PDE11A: variants seen among roughly 807,000 people sequenced by gnomAD.
PDE11A encodes the protein phosphodiesterase 11A.
Under a neutral mutation model 100.5 loss-of-function variants are expected in PDE11A, and 100 were observed. That is an observed-to-expected ratio of 1.00 (90% CI 0.85 to 1.18). PDE11A has a LOEUF of 1.18. Among genes scored for constraint, PDE11A ranks in the 50% most tolerant of loss-of-function variants. The probability of loss-of-function intolerance (pLI) is 0.00; values close to 1 mark genes in which losing one functional copy is unlikely to be tolerated. For missense variants in PDE11A, 1,141 were observed against 1,152.6 expected (o/e 0.99, Z 0.15); for synonymous variants, 381 against 420.8 (o/e 0.91, Z 1.16).
At chr2:177,987,370 T>C (rs1574325070) in intron 2 of PDE11A, among the ~76,000 whole-genome samples, 1 of 152,234 alleles carries the variant, frequency 6.6e-6, no homozygotes. Flanking sequence ...TCAATTACCA[T>C]AGAACAACTA....
intron 4 of PDE11A, among the ~76,000 whole-genome samples, chr2:177,878,623 T>C (rs370688859): frequency 2.0e-5 from 3 of 152,126 alleles, no homozygotes; most frequent in African/African-American, 4.8e-5. Context: ...TCCCAGAAGG[T>C]AGATTTTATC....
At chr2:177,680,534 T>C (rs546836355) in intron 16 of PDE11A, among the ~76,000 whole-genome samples, 66 of 152,238 alleles carry the variant, frequency 4.3e-4, no homozygotes, top group Non-Finnish European at 8.2e-4. Context: ...CCACCCAACT[T>C]GCACCCCCAC....
At chr2:177,857,458 C>T (rs1291873700) in intron 5 of PDE11A, among the ~76,000 whole-genome samples, 1 of 151,882 alleles carries the variant, frequency 6.6e-6, no homozygotes, top group Non-Finnish European at 1.5e-5. Context: ...AAGACAATGG[C>T]ATAATGCAAA....
rs1574310764 is a variant in PDE11A, at chr2:177,962,908, G to A, written c.1071+51394C>T. 7.2e-5 allele frequency among the ~76,000 whole-genome samples: 11 copies of A among 152,064 alleles called. No individual in the cohort carries two copies. The South Asian group carries it at 2.3e-3, about 31-fold the overall frequency. ...TTGAACTGGAGGTTTGGTTAATACT[G>A]TATCCAAATGCATTTTTTTAAAAAA... On this transcript the variant is annotated intron_variant, in intron 2 of 19. Coordinates refer to ENST00000286063, the MANE Select transcript of PDE11A (RefSeq NM_016953.4).
intron 2 of PDE11A, among the ~76,000 whole-genome samples, chr2:177,926,213 A>G (rs536647112): frequency 6.3e-4 from 96 of 152,166 alleles, no homozygotes; most frequent in African/African-American, 2.2e-3. Context: ...AGCTAATTTC[A>G]GAAGTATTTT....
At chr2:178,076,760 G>A (rs1233490861), upstream of PDE11A, among the ~76,000 whole-genome samples, 1 of 152,164 alleles carries the variant, frequency 6.6e-6, no homozygotes, top group Non-Finnish European at 1.5e-5. Context: ...AATTCTGTAG[G>A]TTAACTAGTG....
intron 13 of PDE11A, among the ~76,000 whole-genome samples, chr2:177,701,464 C>T (rs1179592847): frequency 6.6e-6 from 1 of 152,130 alleles, no homozygotes; most frequent in African/African-American, 2.4e-5. Context: ...GAATTTGACA[C>T]AGTCTCTGCC....
intron 19 of PDE11A, among the ~76,000 whole-genome samples, chr2:177,644,846 T>G (rs911809999): frequency 6.6e-6 from 1 of 152,192 alleles, no homozygotes; most frequent in Non-Finnish European, 1.5e-5. Flanking sequence ...ATTGAATAAG[T>G]CTTAGAAAGT....
chr2:177,955,799 A>C (rs998007455), intron 2 of PDE11A, among the ~76,000 whole-genome samples: 1 of 152,238 alleles, frequency 6.6e-6, no homozygotes, highest in Non-Finnish European at 1.5e-5. Context: ...GAGAAAAACA[A>C]GCAATGGGGA....
At chr2:177,896,805 C>T (rs897339626) in intron 4 of PDE11A, among the ~76,000 whole-genome samples, 3 of 152,176 alleles carry the variant, frequency 2.0e-5, no homozygotes, top group African/African-American at 7.2e-5. Flanking sequence ...TCTGGAAACA[C>T]TCCATAAGTA....
chr2:178,024,891 T>C (rs771300412), intron 1 of PDE11A, among the ~76,000 whole-genome samples: 8 of 152,244 alleles, frequency 5.3e-5, no homozygotes, highest in Non-Finnish European at 1.2e-4. Flanking sequence ...CTTTCGAAAA[T>C]TGATTAGTCT....
chr2:177,949,274 T>C (rs548598996), intron 2 of PDE11A, among the ~76,000 whole-genome samples: 42 of 107,958 alleles, frequency 3.9e-4, no homozygotes, highest in African/African-American at 1.6e-3. Flanking sequence ...GTTTAAAATC[T>C]TTATTTTAAT....
rs552059186 is a variant in PDE11A, at chr2:177,687,404, G to A, written c.2346-6501C>T. On this transcript the variant is annotated intron_variant, in intron 15 of 19. Transcript: ENST00000286063. ...TAATATTGCTCTATGTGTTTTAAAA[G>A]TTTATACAAATACGGTCATCATAGT... 3 of 152,242 alleles carry A rather than the reference G, an allele frequency of 2.0e-5. No homozygotes were observed. In the South Asian group the frequency reaches 6.2e-4, roughly 32 times the overall value. The allele number at this position is 152,242 out of a possible 1,614,324, so 9.4% of individuals were successfully genotyped here.
chr2:177,754,977 G>T (rs2082071872), intron 10 of PDE11A, among the ~76,000 whole-genome samples: 1 of 152,178 alleles, frequency 6.6e-6, no homozygotes, highest in Non-Finnish European at 1.5e-5. Context: ...TCTCCAGCAG[G>T]TCCCAATAAA....
chr2:177,728,093 A>T lies in PDE11A; in HGVS notation c.1868T>A (p.Met623Lys). The T allele has an allele frequency of 6.2e-7, 1 of 1,612,780 alleles. No homozygotes were observed. Among genetic ancestry groups the T allele is most frequent in the Non-Finnish European group, 8.5e-7 (1 of 1,178,888 alleles). The change falls in exon 11 of 20, where the codon ATG (methionine) becomes AAG (lysine). Residue 623 changes from methionine to lysine, a missense_variant. Physicochemically the swap from Met to Lys is moderately conservative, Grantham distance 95. Coordinates refer to ENST00000286063, the MANE Select transcript of PDE11A (RefSeq NM_016953.4). ...GAACATCCGGAGAGCAGCTGTGATC[A>T]TGGCATCAACGTCGAGAGAAAAGTC... ...FDDFSLDVDAMITAALRMFME... is the reference protein window; with the variant it reads ...FDDFSLDVDAKITAALRMFME...
At position 177,711,855 on chromosome 2, in the gene PDE11A, C is replaced by G; in HGVS notation, c.2067G>C (p.Leu689=). The G allele has an allele frequency of 1.2e-6, 2 of 1,611,114 alleles. No individual in the cohort carries two copies. The highest frequency in any genetic ancestry group is 1.7e-6 in the Non-Finnish European group (2 of 1,177,340). ...TCACCGCTAAAATTTCCACCTCGGTCAGAATGTCTTGAAACCCAGCAGTCT... is the reference window on the plus strand; with the variant it reads ...TCACCGCTAAAATTTCCACCTCGGTGAGAATGTCTTGAAACCCAGCAGTCT... ...MLTTAGFQDI[L]TEVEILAVIV... The change falls in exon 13 of 20, where the codon CTG becomes CTC. Residue 689 remains leucine (L), a synonymous_variant. Coordinates refer to ENST00000286063, the MANE Select transcript of PDE11A (RefSeq NM_016953.4).
At chr2:177,639,346 A>C (rs1574087500) in intron 19 of PDE11A, among the ~76,000 whole-genome samples, 1 of 152,218 alleles carries the variant, frequency 6.6e-6, no homozygotes, top group East Asian at 1.9e-4. Context: ...ACTGGTTTTA[A>C]AAACTCTGTC....
intron 2 of PDE11A, among the ~76,000 whole-genome samples, chr2:177,967,503 T>C (rs1206390156): frequency 1.3e-5 from 2 of 152,048 alleles, no homozygotes; most frequent in Non-Finnish European, 2.9e-5. Flanking sequence ...CCAGCCTCCT[T>C]TGTCACTTTT....
chr2:177,805,850 C>T (rs866396705), intron 9 of PDE11A, among the ~76,000 whole-genome samples: 4 of 151,990 alleles, frequency 2.6e-5, no homozygotes, highest in African/African-American at 9.7e-5. Context: ...AAAAAAGAGA[C>T]AAAGCAAAAA....
Sources: allele counts gnomAD v4.1 joint callset (sites outside exome capture counted in the v4.1 genomes callset), GRCh38; gene constraint gnomAD v4.1.1; transcripts MANE v1.5; gene names NCBI Gene and HGNC (gene_info 2026-07-23, HGNC 2026-07-21).